The following RASA3 variants were observed in gnomAD, a reference collection of about 807,000 sequenced individuals.
The protein encoded by RASA3 is RAS p21 protein activator 3.
RASA3 carries 73 observed loss-of-function variants against 110.0 expected under a neutral mutation model. The observed-to-expected ratio is 0.66, with a 90% CI of 0.55 to 0.81. The LOEUF is 0.81. Ranked by LOEUF, RASA3 falls within the 30% of genes least tolerant of loss-of-function variation. The pLI, the probability that RASA3 is intolerant of heterozygous loss-of-function variation, is 0.00. For missense variants in RASA3, 976 were observed against 1,113.2 expected, an observed-to-expected ratio of 0.88 and a Z score of 1.75; for synonymous variants, 500 against 451.4, an observed-to-expected ratio of 1.11 and a Z score of -1.37.
intron 3 of RASA3, among the ~76,000 whole-genome samples, chr13:114,047,555 T>TC (rs545311719): frequency 2.4e-4 from 36 of 152,346 alleles, no homozygotes; most frequent in Middle Eastern, 6.8e-3. Context: ...CACGCATTTA[T>TC]CTCAGAGTAA....
intron 22 of RASA3, among the ~76,000 whole-genome samples, chr13:113,983,526 T>C (rs1324847039): frequency 2.1e-5 from 2 of 96,852 alleles, no homozygotes; most frequent in African/African-American, 3.4e-5. Context: ...CAAAGGCTGG[T>C]TGAGTTAAAA....
chr13:114,019,060 G>A (rs1320005297), intron 9 of RASA3, 141 bp from the exon 10 acceptor site: 1 of 1,100,962 alleles, frequency 9.1e-7, no homozygotes, highest in Non-Finnish European at 1.3e-6. Flanking sequence ...AGCCCCTGGG[G>A]ACTCCCCACC....
In RASA3 at chr13:114,055,516, G is replaced by A. The variant is rs534749924; in HGVS notation, c.174-3361C>T. On this transcript the variant is annotated intron_variant, in intron 2 of 23. Coordinates refer to ENST00000334062, the MANE Select transcript of RASA3 (RefSeq NM_007368.4). ...CGAAGCCAAAAGGGACACCAGACGT[G>A]CATTTTAATATTCACGACAAGGCCT... Among the ~76,000 whole-genome samples, 9 of 152,240 alleles carry A rather than the reference G, an allele frequency of 5.9e-5. No individual in the cohort carries two copies. In the East Asian group the frequency reaches 1.3e-3, roughly 23 times the overall value.
At chr13:114,071,573 T>G (rs1167253355) in intron 2 of RASA3, among the ~76,000 whole-genome samples, 2 of 152,234 alleles carry the variant, frequency 1.3e-5, no homozygotes, top group Non-Finnish European at 2.9e-5. Context: ...TTCAGAAGAA[T>G]GGCTGTGCCC....
intron 18 of RASA3, among the ~76,000 whole-genome samples, 166 bp from the exon 19 acceptor site, chr13:114,001,098 G>A (rs2053384509): frequency 6.6e-6 from 1 of 152,218 alleles, no homozygotes; most frequent in Non-Finnish European, 1.5e-5. Flanking sequence ...GGAAGGCAAT[G>A]CCTCTCCTTT....
Position 114,065,484 on chromosome 13 carries a change from C to T in RASA3, c.173+8236G>A, listed in dbSNP as rs561491814. ...AAGCCAGCCTCTGGGCTGAGCTCTGCGGTCCTGAGTCACTGCCTGACTCAT... is the reference window on the plus strand; with the variant it reads ...AAGCCAGCCTCTGGGCTGAGCTCTGTGGTCCTGAGTCACTGCCTGACTCAT... On this transcript the variant is annotated intron_variant, in intron 2 of 23. Transcript: ENST00000334062. This position sits in a 1 kb window ranked among gnomAD's most constrained non-coding sequence, Gnocchi z 4.1. Among the ~76,000 whole-genome samples, 10 of 152,312 alleles carry T rather than the reference C, an allele frequency of 6.6e-5. No homozygotes were observed. In the East Asian group the frequency reaches 1.2e-3, roughly 18 times the overall value.
Position 114,018,128 on chromosome 13 carries a change from G to A in RASA3, c.1067C>T (p.Ala356Val). 1 of 1,549,252 alleles carries A rather than the reference G, an allele frequency of 6.5e-7. No homozygotes were observed. The highest frequency in any genetic ancestry group is 8.7e-7 in the Non-Finnish European group (1 of 1,146,204). The part of the protein sequence containing the change: ...GRVVPFISAI[A>V]SAEVKRTQDP... ...CTGGGTCCGCTTCACCTCCGCGCTG[G>A]CGATGGCACTGATGAATGGCACCAC... Residue 356 changes from alanine (A) to valine (V), a missense_variant, in exon 11 of 24, where the codon GCC becomes GTC. Transcript: ENST00000334062.
rs565141453 is a variant in RASA3 at position 114,081,541 on chromosome 13, C to T, written c.56-7704G>A. On this transcript the variant is annotated intron_variant, in intron 1 of 23. Coordinates refer to ENST00000334062, the MANE Select transcript of RASA3 (RefSeq NM_007368.4). ...TCCTGAGATGAATGGAGCAGGAATG[C>T]CTCTGGAATATCCTGAGAAACACGA... Among the ~76,000 whole-genome samples the T allele has an allele frequency of 2.6e-5, 4 of 152,296 alleles. No individual in the cohort carries two copies. The South Asian group carries it at 8.3e-4, about 32-fold the overall frequency.
intron 17 of RASA3, 135 bp from the exon 18 acceptor site, chr13:114,007,741 C>T: frequency 1.4e-6 from 1 of 737,852 alleles, no homozygotes; most frequent in East Asian, 2.6e-5. Flanking sequence ...CAAGTGAGTC[C>T]TTCCCCGAGG....
Position 113,996,551 on chromosome 13 carries a change from C to G in RASA3, c.2121G>C (p.Pro707=), listed in dbSNP as rs113706177. ...LCCRAPSDSA[P]GCSPCTGGLP... is the part of the protein sequence containing the mutation. ...CCTACCCAGTGCAGGGCGAGCAGCC[C>G]GGAGCCGAGTCGGATGGCGCCCTAC... Residue 707 remains proline (P), a synonymous_variant, in exon 21 of 24, where the codon CCG becomes CCC. Coordinates refer to ENST00000334062, the MANE Select transcript of RASA3 (RefSeq NM_007368.4). 4 of 1,612,552 alleles carry G rather than the reference C, an allele frequency of 2.5e-6. No individual in the cohort carries two copies. The highest frequency in any genetic ancestry group is 1.7e-5 in the Admixed American group (1 of 60,000).
intron 12 of RASA3, 122 bp downstream of exon 12, chr13:114,017,115 G>C (rs1322877634): frequency 1.2e-6 from 1 of 847,244 alleles, no homozygotes; most frequent in Non-Finnish European, 2.0e-6. Context: ...CCCGTGGCGA[G>C]GCCAGAGGGG....
rs2080260687 is a variant in RASA3, at chr13:114,115,126, AAGGCAC to A, written c.55+17303_55+17308del. Among the ~76,000 whole-genome samples the A allele has an allele frequency of 6.6e-6, 1 of 152,164 alleles. No individual in the cohort carries two copies. The highest frequency in any genetic ancestry group is 1.5e-5 in the Non-Finnish European group (1 of 68,028). ...CTTCTCCACAGAGAGGCCGCTGAAC[AAGGCAC>A]AGGGCCAGGTCTGGCCGTGTAAAAA... On this transcript the variant is annotated intron_variant, in intron 1 of 23. Coordinates refer to ENST00000334062, the MANE Select transcript of RASA3 (RefSeq NM_007368.4). The surrounding 1 kb of genome is among the most constrained non-coding windows in gnomAD (Gnocchi z 5.0).
chr13:114,089,590 C>T (rs1366679399), intron 1 of RASA3, among the ~76,000 whole-genome samples: 4 of 152,074 alleles, frequency 2.6e-5, no homozygotes, highest in Non-Finnish European at 5.9e-5. Context: ...AGGCCTGGGC[C>T]AGCCCTGCAC....
chr13:114,077,524 G>T (rs2079707780), intron 1 of RASA3, among the ~76,000 whole-genome samples: 1 of 111,514 alleles, frequency 9.0e-6, no homozygotes, highest in African/African-American at 3.6e-5. Flanking sequence ...CAACGCACCG[G>T]ATTCATCCCT....
At chr13:114,001,711 G>C (rs1293342253) in intron 18 of RASA3, among the ~76,000 whole-genome samples, 1 of 146,192 alleles carries the variant, frequency 6.8e-6, no homozygotes, top group African/African-American at 2.5e-5. Flanking sequence ...CGGAGGACCT[G>C]CGGCCGCGGG....
At chr13:114,109,942 C>G (rs944424736) in intron 1 of RASA3, among the ~76,000 whole-genome samples, 20 of 152,160 alleles carry the variant, frequency 1.3e-4, no homozygotes, top group African/African-American at 3.6e-4. Flanking sequence ...GTGAACGTCC[C>G]GTCTCCTCAG....
rs529392320 is a variant in RASA3 at position 114,083,427 on chromosome 13, C to A, written c.56-9590G>T. ...AGAGAGAGGAGAGCAGGGCCCCGTT[C>A]AGAGGCACCCACACCTCCAGAAGCA... On this transcript the variant is annotated intron_variant, in intron 1 of 23. Coordinates refer to ENST00000334062, the MANE Select transcript of RASA3 (RefSeq NM_007368.4). Among the ~76,000 whole-genome samples, 7 of 152,368 alleles carry A rather than the reference C, an allele frequency of 4.6e-5. No individual in the cohort carries two copies. The South Asian group carries it at 1.4e-3, about 32-fold the overall frequency.
chr13:113,999,529 G>C, intron 20 of RASA3, 56 bp downstream of exon 20: 1 of 1,441,112 alleles, frequency 6.9e-7, no homozygotes, highest in Non-Finnish European at 9.8e-7. Flanking sequence ...GAAGAGAGCA[G>C]AGAAAACCTG....
At chr13:114,076,892 A>G (rs2139682283) in intron 1 of RASA3, among the ~76,000 whole-genome samples, 1 of 152,218 alleles carries the variant, frequency 6.6e-6, no homozygotes, top group Admixed American at 6.5e-5. Context: ...TGACACCTTT[A>G]CAGTGTGACC....
Sources: gnomAD v4.1 joint callset for allele counts (sites outside exome capture counted in the v4.1 genomes callset) on GRCh38, gnomAD v4.1.1 for gene constraint, Gnocchi (gnomAD v3.1) non-coding constraint, MANE v1.5 for transcripts, NCBI Gene and HGNC (gene_info 2026-07-23, HGNC 2026-07-21) for gene names.